The following CAST variants were observed in gnomAD, a reference collection of about 807,000 sequenced individuals.
The protein encoded by CAST is MIR583 host.
A neutral mutation model predicts 119.6 loss-of-function variants in CAST; 76 were observed. The ratio of observed to expected loss-of-function variants is 0.64; its 90% confidence interval spans 0.53 to 0.77. The LOEUF is 0.77. Among genes scored for constraint, CAST ranks in the 30% least tolerant of loss-of-function variants. The pLI, the probability that CAST is intolerant of heterozygous loss-of-function variation, is 0.00. For missense variants in CAST, 953 were observed against 946.5 expected (o/e 1.01, Z -0.09); for synonymous variants, 319 against 331.6 (o/e 0.96, Z 0.41).
chr5:96,607,275 G>C (rs543912051), intron 1 of CAST, among the ~76,000 whole-genome samples: 31 of 152,078 alleles, frequency 2.0e-4, no homozygotes, highest in Non-Finnish European at 2.8e-4. Context: ...GCGACAGAGC[G>C]GGACTCCGTC....
chr5:96,161,388 A>C, the CAST span, among the ~76,000 whole-genome samples: 6 of 152,124 alleles, frequency 3.9e-5, no homozygotes, highest in Non-Finnish European at 8.8e-5. Flanking sequence ...TGTTGAAAAT[A>C]TTATTCTTTC....
At chr5:96,563,149 C>A (rs1027380478) in intron 1 of CAST, among the ~76,000 whole-genome samples, 2 of 152,166 alleles carry the variant, frequency 1.3e-5, no homozygotes, top group African/African-American at 2.4e-5. Flanking sequence ...TTAGATCATA[C>A]TCTTTTTGCC....
At chr5:96,575,828 C>T (rs994116997) in intron 1 of CAST, among the ~76,000 whole-genome samples, 3 of 151,854 alleles carry the variant, frequency 2.0e-5, no homozygotes, top group Admixed American at 1.3e-4. Flanking sequence ...TCATTTGTAG[C>T]AATGGGGTCA....
chr5:96,590,041 G>T (rs531848160), intron 1 of CAST, among the ~76,000 whole-genome samples: 1 of 152,144 alleles, frequency 6.6e-6, no homozygotes. Flanking sequence ...TTTGAAACAG[G>T]CTGTTTTATA....
At chr5:96,636,929 T>C (rs1747894196) in intron 1 of CAST, among the ~76,000 whole-genome samples, 1 of 126,390 alleles carries the variant, frequency 7.9e-6, no homozygotes, top group Non-Finnish European at 1.7e-5. Context: ...CAAGATGCGG[T>C]GTTGGGGGAG....
chr5:96,280,240 T>C, the CAST span, among the ~76,000 whole-genome samples: 29 of 152,250 alleles, frequency 1.9e-4, no homozygotes, highest in African/African-American at 6.0e-4. Context: ...CTCAACGTTG[T>C]GGTTTTTGTT....
At chr5:96,713,842 G>C (rs182402362) in intron 3 of CAST, among the ~76,000 whole-genome samples, 1 of 152,170 alleles carries the variant, frequency 6.6e-6, no homozygotes, top group African/African-American at 2.4e-5. Flanking sequence ...GGGTGTGGTG[G>C]TGCACACCTG....
At chr5:96,536,919 T>C (rs938740097) in intron 1 of CAST, among the ~76,000 whole-genome samples, 1 of 152,216 alleles carries the variant, frequency 6.6e-6, no homozygotes, top group African/African-American at 2.4e-5. Context: ...ACTTCTGATC[T>C]CATTTCCACT....
the CAST span, among the ~76,000 whole-genome samples, chr5:96,162,346 T>G: frequency 6.6e-6 from 1 of 152,240 alleles, no homozygotes; most frequent in African/African-American, 2.4e-5. Flanking sequence ...TAGAATGCTT[T>G]TCCTACATTT....
At chr5:95,962,546 C>T in the CAST span, among the ~76,000 whole-genome samples, 9 of 152,150 alleles carry the variant, frequency 5.9e-5, no homozygotes, top group African/African-American at 2.2e-4. Flanking sequence ...AGTGAGTCGA[C>T]TCTTAGATGT....
At chr5:96,289,872 G>T in the CAST span, among the ~76,000 whole-genome samples, 1 of 151,894 alleles carries the variant, frequency 6.6e-6, no homozygotes, top group Non-Finnish European at 1.5e-5. Flanking sequence ...TTTTATTGTT[G>T]TTGCTGTTCT....
chr5:96,583,794 G>T (rs1252587323), intron 1 of CAST, among the ~76,000 whole-genome samples: 1 of 152,184 alleles, frequency 6.6e-6, no homozygotes, highest in Non-Finnish European at 1.5e-5. Context: ...AAAGACATTT[G>T]TATTGTTACT....
chr5:96,296,547 C>A, the CAST span, among the ~76,000 whole-genome samples: 1 of 152,114 alleles, frequency 6.6e-6, no homozygotes, highest in Non-Finnish European at 1.5e-5. Context: ...AATAAATTCT[C>A]AGATTATAGA....
the CAST span, among the ~76,000 whole-genome samples, chr5:96,364,022 A>G: frequency 6.6e-6 from 1 of 152,170 alleles, no homozygotes; most frequent in Non-Finnish European, 1.5e-5. Context: ...TACCTAATTT[A>G]TAGAGAGTTT....
At chr5:96,618,088 A>T (rs1376051814) in intron 1 of CAST, among the ~76,000 whole-genome samples, 1 of 152,160 alleles carries the variant, frequency 6.6e-6, no homozygotes. Flanking sequence ...ATGGGAAAAC[A>T]GATCAGAGAC....
the CAST span, among the ~76,000 whole-genome samples, chr5:96,189,033 C>A: frequency 3.3e-3 from 507 of 152,254 alleles, 3 homozygotes; most frequent in African/African-American, 0.012. Context: ...GATTTGTGCT[C>A]ATTTTCTCAG....
the CAST span, among the ~76,000 whole-genome samples, chr5:96,045,824 A>G: frequency 3.3e-5 from 5 of 152,164 alleles, no homozygotes; most frequent in Non-Finnish European, 7.3e-5. Context: ...TTTTAGTAAG[A>G]GGAGATAGAC....
intron 1 of CAST, among the ~76,000 whole-genome samples, chr5:96,541,405 A>G (rs1034765830): frequency 6.6e-6 from 1 of 152,074 alleles, no homozygotes; most frequent in East Asian, 1.9e-4. Context: ...TTCATATTGC[A>G]TATTTTCTTC....
chr5:96,564,755 C>T (rs915515163), intron 1 of CAST, among the ~76,000 whole-genome samples: 1 of 152,124 alleles, frequency 6.6e-6, no homozygotes, highest in Non-Finnish European at 1.5e-5. Flanking sequence ...CCCATCACTA[C>T]AAAAAATTAG....
Sources: gnomAD v4.1 joint callset for allele counts (sites outside exome capture counted in the v4.1 genomes callset) on GRCh38, gnomAD v4.1.1 for gene constraint, MANE v1.5 for transcripts, NCBI Gene and HGNC (gene_info 2026-07-23, HGNC 2026-07-21) for gene names.